The following RPS3 variants were observed in gnomAD, a reference collection of about 807,000 sequenced individuals.
RPS3 encodes small ribosomal subunit protein uS3.
RPS3 carries 2 observed loss-of-function variants against 25.8 expected under a neutral mutation model. That is an observed-to-expected ratio of 0.08 (90% confidence interval 0.03 to 0.24). RPS3 has a LOEUF of 0.24. Among genes scored for constraint, RPS3 ranks in the 10% least tolerant of loss-of-function variants. The probability of loss-of-function intolerance (pLI) is 1.00; values close to 1 mark genes in which losing one functional copy is unlikely to be tolerated. For missense variants in RPS3, 107 were observed against 307.1 expected (o/e 0.35, Z 4.87); for synonymous variants, 114 against 114.2 (o/e 1.00, Z 0.01).
downstream of RPS3, among the ~76,000 whole-genome samples, chr11:75,410,120 G>C (rs1466203355): frequency 7.2e-6 from 1 of 138,960 alleles, no homozygotes; most frequent in Non-Finnish European, 1.5e-5. Context: ...GCGGGGGGCT[G>C]ACCCCACACC....
rs947464221 is a variant in RPS3 at position 75,400,923 on chromosome 11, C to G, written c.161+99C>G. 5.7e-6 allele frequency: 8 copies of G among 1,411,244 alleles called. No homozygotes were observed. The African/African-American group carries it at 1.0e-4, about 18-fold the overall frequency. The allele number at this position is 1,411,244 out of a possible 1,614,324, so 87.4% of individuals were successfully genotyped here. On this transcript the variant is annotated intron_variant, in intron 2 of 6. Coordinates refer to ENST00000531188, the MANE Select transcript of RPS3 (RefSeq NM_001005.5). ...TTTGAGACGGAGTCTTGCTCTGTCC[C>G]CAAAGCTGGAGTGCAGTGGCGCGAT... is the stretch of plus-strand genomic sequence containing the variant.
chr11:75,412,329 G>A (rs1948364474), intron 6 of RPS3, among the ~76,000 whole-genome samples: 1 of 152,160 alleles, frequency 6.6e-6, no homozygotes, highest in Non-Finnish European at 1.5e-5. Flanking sequence ...CACTGGCTTG[G>A]CTCTTGTCAT....
intron 6 of RPS3, among the ~76,000 whole-genome samples, chr11:75,418,275 CTAATTCT>C (rs376491540): frequency 1.6e-3 from 239 of 152,348 alleles, no homozygotes; most frequent in African/African-American, 5.6e-3. Flanking sequence ...TTTCAGTGTC[CTAATTCT>C]TACTTTGTTC....
At chr11:75,413,198 G>A (rs956333666) in intron 6 of RPS3, among the ~76,000 whole-genome samples, 14 of 151,836 alleles carry the variant, frequency 9.2e-5, no homozygotes, top group African/African-American at 2.4e-4. Flanking sequence ...TTGCAGAGGC[G>A]CTCTCCACTG....
downstream of RPS3, among the ~76,000 whole-genome samples, chr11:75,410,746 G>A (rs1199496036): frequency 6.6e-6 from 1 of 152,242 alleles, no homozygotes; most frequent in African/African-American, 2.4e-5. Flanking sequence ...CACCTCGGGA[G>A]GCCGAGGCTG....
intron 6 of RPS3, among the ~76,000 whole-genome samples, chr11:75,421,033 T>A (rs1156379961): frequency 6.6e-6 from 1 of 152,132 alleles, no homozygotes; most frequent in Non-Finnish European, 1.5e-5. Context: ...GCCTTTTCCC[T>A]GGGTAGGCCA....
At chr11:75,408,958 C>A (rs986822676), downstream of RPS3, among the ~76,000 whole-genome samples, 6 of 151,932 alleles carry the variant, frequency 3.9e-5, no homozygotes, top group Non-Finnish European at 8.8e-5. Flanking sequence ...CCACTCTAAA[C>A]ACAGCTCCAC....
intron 6 of RPS3, among the ~76,000 whole-genome samples, chr11:75,417,606 A>C (rs562742499): frequency 6.6e-5 from 10 of 152,312 alleles, no homozygotes; most frequent in Non-Finnish European, 1.5e-4. Flanking sequence ...CACACACACA[A>C]AAATTTAAAG....
rs1435759577 is a variant in RPS3 at position 75,404,591 on chromosome 11, A to G, written c.539-81A>G. On this transcript the variant is annotated intron_variant, in intron 5 of 6. Coordinates refer to ENST00000531188, the MANE Select transcript of RPS3 (RefSeq NM_001005.5). This position sits in a 1 kb window ranked among gnomAD's most constrained non-coding sequence, Gnocchi z 4.6. ...GGTCCAGACCCAGGGGTGCTTGAGT[A>G]AACTGCTTGCTCTCTTTGGTCTTGT... 7.1e-7 allele frequency: 1 copy of G among 1,404,864 alleles called. No individual in the cohort carries two copies. The highest frequency in any genetic ancestry group is 2.3e-5 in the East Asian group (1 of 43,512). 87.0% of individuals were successfully genotyped at this position (1,404,864 alleles called of 1,614,324 possible). A position where few individuals can be genotyped will look rare whatever the true frequency, so the allele number is the denominator to read the frequency against.
chr11:75,418,967 G>C (rs1948423111), intron 6 of RPS3, among the ~76,000 whole-genome samples: 1 of 152,180 alleles, frequency 6.6e-6, no homozygotes, highest in South Asian at 2.1e-4. Flanking sequence ...GAGCCCCCCA[G>C]TTGCCTAGAG....
intron 6 of RPS3, among the ~76,000 whole-genome samples, chr11:75,415,598 G>T (rs1050227971): frequency 6.6e-6 from 1 of 152,050 alleles, no homozygotes; most frequent in African/African-American, 2.4e-5. Context: ...ACGAGGTCAG[G>T]AGTTCAAGAC....
At chr11:75,417,295 C>G (rs3018100) in intron 6 of RPS3, among the ~76,000 whole-genome samples, 40,859 of 151,850 alleles carry the variant, frequency 0.27, 6,276 homozygotes, top group Non-Finnish European at 0.36. Flanking sequence ...CATAGCCAGA[C>G]TCCATCTCTT....
rs987514009 is a variant in RPS3, at chr11:75,405,725, G to A, written c.*115G>A. On this transcript the variant is annotated 3_prime_UTR_variant, in exon 7 of 7. Coordinates refer to ENST00000531188, the MANE Select transcript of RPS3 (RefSeq NM_001005.5). Reference sequence around the variant, plus strand: ...CTAGACTGTTCAGTATTCAGACTGAGGGGCATGTTGGCCTCTGGAGCATTA... The same window carrying A: ...CTAGACTGTTCAGTATTCAGACTGAAGGGCATGTTGGCCTCTGGAGCATTA... The A allele has an allele frequency of 6.9e-5, 31 of 446,082 alleles. No individual in the cohort carries two copies. The Admixed American group carries it at 7.7e-4, about 11-fold the overall frequency. 27.6% of individuals were successfully genotyped at this position (446,082 alleles called of 1,614,324 possible).
chr11:75,410,750 G>A (rs1477761367), downstream of RPS3, among the ~76,000 whole-genome samples: 33 of 152,306 alleles, frequency 2.2e-4, no homozygotes, highest in South Asian at 6.2e-3. Flanking sequence ...TCGGGAGGCC[G>A]AGGCTGGCGG....
intron 6 of RPS3, among the ~76,000 whole-genome samples, chr11:75,418,165 A>T (rs1245811087): frequency 6.6e-6 from 1 of 152,250 alleles, no homozygotes; most frequent in African/African-American, 2.4e-5. Context: ...AGGGATGGGC[A>T]GGCTGGCATT....
chr11:75,402,816 G>T (rs749724190), intron 4 of RPS3: 14 of 165,572 alleles, frequency 8.5e-5, no homozygotes, highest in Middle Eastern at 3.0e-3. Flanking sequence ...CTGTTACTGG[G>T]TGTGTTACGT....
At chr11:75,402,116 C>T (rs969146465) in intron 3 of RPS3, 28 of 586,084 alleles carry the variant, frequency 4.8e-5, no homozygotes, top group African/African-American at 4.7e-4. Context: ...TTTTGGCCTC[C>T]GTAGGCTACG....
At chr11:75,420,251 C>G (rs7122426) in intron 6 of RPS3, among the ~76,000 whole-genome samples, 2,587 of 152,240 alleles carry the variant, frequency 0.017, 75 homozygotes, top group African/African-American at 0.058. Context: ...ACCAATAGTC[C>G]TAGGAGCTTA....
At chr11:75,409,066 C>A (rs1210270862), downstream of RPS3, among the ~76,000 whole-genome samples, 1 of 152,160 alleles carries the variant, frequency 6.6e-6, no homozygotes. Context: ...ACTGCAAACT[C>A]CACCTTCTGA....
Sources: gnomAD v4.1 joint callset for allele counts (sites outside exome capture counted in the v4.1 genomes callset) on GRCh38, gnomAD v4.1.1 for gene constraint, Gnocchi (gnomAD v3.1) non-coding constraint, MANE v1.5 for transcripts, NCBI Gene and HGNC (gene_info 2026-07-23, HGNC 2026-07-21) for gene names.